NRG1: variants seen among roughly 807,000 people sequenced by gnomAD.
The protein encoded by NRG1 is pro-neuregulin-1, membrane-bound isoform.
In NRG1, 18 loss-of-function variants were observed where a neutral mutation model predicts 63.8. That is an observed-to-expected ratio of 0.28 (90% CI 0.19 to 0.42). The LOEUF is 0.42. Ranked by LOEUF, NRG1 falls within the 10% of genes least tolerant of loss-of-function variation. The pLI is 1.00. For synonymous variants in NRG1, 302 were observed against 301.3 expected (o/e 1.00, Z -0.02); for missense variants, 762 against 814.7 (o/e 0.94, Z 0.79).
chr8:31,931,200 C>T (rs761048365), intron 1 of NRG1, among the ~76,000 whole-genome samples: 13 of 151,996 alleles, frequency 8.6e-5, no homozygotes, highest in Non-Finnish European at 1.3e-4. Context: ...GACCTCTCAC[C>T]GAAACCTTAG....
intron 1 of NRG1, among the ~76,000 whole-genome samples, chr8:32,280,949 C>G (rs1376126974): frequency 6.7e-6 from 1 of 149,780 alleles, no homozygotes; most frequent in African/African-American, 2.4e-5. Flanking sequence ...TTAGTAGAGA[C>G]GGGGTTTCAC....
rs190429471 is a variant in NRG1 at position 32,149,402 on chromosome 8, G to A, written c.38-446426G>A. ...TTACTCCTGCATGTCTTCCGGTCTG[G>A]AATACCTTCCCCTCCCTCAGGAACT... On this transcript the variant is annotated intron_variant, in intron 1 of 10. Coordinates refer to the NRG1 transcript ENST00000519301. Among the ~76,000 whole-genome samples, 1,188 of 152,200 alleles carry A rather than the reference G, an allele frequency of 7.8e-3. 6 individuals are homozygous for A. The highest frequency in any genetic ancestry group is 0.012 in the Non-Finnish European group (839 of 68,010).
In NRG1 at chr8:31,838,423, G is replaced by C. The variant is rs550787850; in HGVS notation, c.37+198992G>C. Among the ~76,000 whole-genome samples the C allele has an allele frequency of 3.9e-5, 6 of 152,082 alleles. No individual in the cohort carries two copies. The East Asian group carries it at 1.2e-3, about 29-fold the overall frequency. ...CTTTTTTAGGCTGTTCTTCACCACT[G>C]TTACTTGTTTATATTTTGTATGAAA... On this transcript the variant is annotated intron_variant, in intron 1 of 10. Coordinates refer to the NRG1 transcript ENST00000519301.
chr8:31,681,691 A>T (rs1808353740), intron 1 of NRG1, among the ~76,000 whole-genome samples: 2 of 148,610 alleles, frequency 1.3e-5, no homozygotes, highest in African/African-American at 4.9e-5. Context: ...ATATATGTTT[A>T]TATTTATTAT....
chr8:31,666,069 T>C (rs1806508929), intron 1 of NRG1, among the ~76,000 whole-genome samples: 1 of 152,182 alleles, frequency 6.6e-6, no homozygotes, highest in African/African-American at 2.4e-5. Flanking sequence ...TAAAACACCA[T>C]TGATTGAACC....
In NRG1 at chr8:31,809,907, T is replaced by G. The variant is rs138619247; in HGVS notation, c.37+170476T>G. On this transcript the variant is annotated intron_variant, in intron 1 of 10. Transcript: ENST00000519301. ...CTGCCTTTAACCGCAGTCTCATGAA[T>G]CCAACTGCTATTCAGCACCTTCGAC... is the stretch of plus-strand genomic sequence containing the variant. Among the ~76,000 whole-genome samples the G allele has an allele frequency of 4.6e-4, 70 of 151,710 alleles. 1 individual carries two copies. The highest frequency in any genetic ancestry group is 3.4e-3 in the Middle Eastern group (1 of 294).
chr8:32,161,799 A>C (rs559820112), intron 1 of NRG1, among the ~76,000 whole-genome samples: 1 of 152,226 alleles, frequency 6.6e-6, no homozygotes, highest in African/African-American at 2.4e-5. Context: ...CTTCAAGGTC[A>C]CGCTGACGTT....
chr8:31,875,447 C>T (rs1464361889), intron 1 of NRG1, among the ~76,000 whole-genome samples: 1 of 152,110 alleles, frequency 6.6e-6, no homozygotes, highest in Non-Finnish European at 1.5e-5. Context: ...ACTGTAAGAC[C>T]CAGACTGTCA....
At chr8:32,421,755 T>G (rs1021896847) in intron 1 of NRG1, among the ~76,000 whole-genome samples, 25 of 152,170 alleles carry the variant, frequency 1.6e-4, no homozygotes, top group East Asian at 1.9e-4. Context: ...GCATACACAG[T>G]GCAACATCTT....
At chr8:32,668,804 A>G (rs1804876759) in intron 5 of NRG1, among the ~76,000 whole-genome samples, 1 of 152,200 alleles carries the variant, frequency 6.6e-6, no homozygotes, top group South Asian at 2.1e-4. Flanking sequence ...TAGAAAAAAG[A>G]TAAGAACATG....
intron 1 of NRG1, among the ~76,000 whole-genome samples, chr8:32,454,078 A>G (rs1326052349): frequency 6.6e-6 from 1 of 152,220 alleles, no homozygotes; most frequent in African/African-American, 2.4e-5. Context: ...AGGAAAAATA[A>G]AGGCCACAAC....
intron 1 of NRG1, among the ~76,000 whole-genome samples, chr8:31,852,604 T>A (rs2129609284): frequency 6.6e-6 from 1 of 151,174 alleles, no homozygotes; most frequent in Non-Finnish European, 1.5e-5. Context: ...GCAGAAGCTC[T>A]TTAGTTTAAT....
chr8:32,050,389 C>T (rs1284897205), intron 1 of NRG1, among the ~76,000 whole-genome samples: 1 of 152,114 alleles, frequency 6.6e-6, no homozygotes, highest in Non-Finnish European at 1.5e-5. Context: ...TGTTCTGTCA[C>T]TTCTGAAACT....
intron 1 of NRG1, among the ~76,000 whole-genome samples, chr8:32,584,844 T>C (rs894946523): frequency 6.6e-6 from 1 of 152,230 alleles, no homozygotes; most frequent in South Asian, 2.1e-4. Flanking sequence ...CTTAAAAGTT[T>C]TCACATAGTT....
intron 1 of NRG1, among the ~76,000 whole-genome samples, chr8:32,104,059 A>T (rs527569558): frequency 6.6e-6 from 1 of 152,182 alleles, no homozygotes; most frequent in African/African-American, 2.4e-5. Flanking sequence ...CGACAGGGAT[A>T]CTTTGATAAA....
intron 1 of NRG1, among the ~76,000 whole-genome samples, chr8:31,699,796 A>C (rs891191607): frequency 3.3e-5 from 5 of 152,184 alleles, no homozygotes; most frequent in Non-Finnish European, 7.4e-5. Context: ...TTCTGAGAGA[A>C]AAAGGGACCC....
intron 1 of NRG1, chr8:32,441,313 TC>T (rs1403463988): frequency 4.6e-5 from 7 of 152,124 alleles, no homozygotes; most frequent in Non-Finnish European, 1.0e-4. Context: ...GTAGCAACCA[TC>T]CAAGCTGCTG....
At chr8:32,450,013 C>T (rs964742673) in intron 1 of NRG1, among the ~76,000 whole-genome samples, 3 of 152,034 alleles carry the variant, frequency 2.0e-5, no homozygotes, top group Non-Finnish European at 4.4e-5. Context: ...TCATCGGAGC[C>T]AAAGTAACTG....
At chr8:32,493,233 G>A (rs959184339) in intron 1 of NRG1, among the ~76,000 whole-genome samples, 13 of 152,102 alleles carry the variant, frequency 8.5e-5, no homozygotes, top group Middle Eastern at 3.4e-3. Flanking sequence ...CTAGTGACTC[G>A]CACCCATTAG....
Sources: allele counts gnomAD v4.1 joint callset (sites outside exome capture counted in the v4.1 genomes callset), GRCh38; gene constraint gnomAD v4.1.1; transcripts MANE v1.5; gene names NCBI Gene and HGNC (gene_info 2026-07-23, HGNC 2026-07-21).